RPS6KC1: variants seen among roughly 807,000 people sequenced by gnomAD.
The protein encoded by RPS6KC1 is ribosomal protein S6 kinase C1, also known as inactive ribosomal protein S6 kinase delta-1.
RPS6KC1 carries 54 observed loss-of-function variants against 103.8 expected under a neutral mutation model. The observed-to-expected ratio is 0.52, with a 90% confidence interval of 0.42 to 0.65. RPS6KC1 has a LOEUF of 0.65. Among genes scored for constraint, RPS6KC1 ranks in the 30% least tolerant of loss-of-function variants. The pLI is 0.00. For synonymous variants in RPS6KC1, 439 were observed against 438.7 expected, an observed-to-expected ratio of 1.00 and a Z score of -0.01; for missense variants, 1,151 against 1,253.8, an observed-to-expected ratio of 0.92 and a Z score of 1.24.
chr1:213,184,478 ATT>A (rs60844583), intron 8 of RPS6KC1, among the ~76,000 whole-genome samples: 1 of 147,704 alleles, frequency 6.8e-6, no homozygotes, highest in Admixed American at 6.8e-5. Context: ...TTGATCTTGT[ATT>A]TTTTTTTTGC....
At chr1:213,439,239 C>T in the RPS6KC1 span, among the ~76,000 whole-genome samples, 3 of 152,288 alleles carry the variant, frequency 2.0e-5, no homozygotes, top group East Asian at 5.8e-4. Flanking sequence ...AAAACCAGCA[C>T]AGAAAGTCTA....
the RPS6KC1 span, among the ~76,000 whole-genome samples, chr1:213,361,541 C>T: frequency 1.3e-5 from 2 of 152,264 alleles, no homozygotes; most frequent in Non-Finnish European, 2.9e-5. Context: ...TTGGCTCATG[C>T]TCAGTGCGCT....
the RPS6KC1 span, among the ~76,000 whole-genome samples, chr1:213,754,014 G>A: frequency 6.6e-6 from 1 of 152,082 alleles, no homozygotes; most frequent in African/African-American, 2.4e-5. Flanking sequence ...GGGAGTACAT[G>A]GCAGTCTGGT....
At chr1:213,164,012 G>C (rs1412233752) in intron 6 of RPS6KC1, among the ~76,000 whole-genome samples, 2 of 152,124 alleles carry the variant, frequency 1.3e-5, no homozygotes, top group Admixed American at 6.5e-5. Flanking sequence ...TTCAAATTCA[G>C]TTATGGTACT....
intron 6 of RPS6KC1, among the ~76,000 whole-genome samples, chr1:213,133,401 G>A (rs2085881406): frequency 6.6e-6 from 1 of 152,050 alleles, no homozygotes; most frequent in Non-Finnish European, 1.5e-5. Context: ...ACTGTACAAG[G>A]TATTTTTCTT....
chr1:213,641,279 A>T, the RPS6KC1 span, among the ~76,000 whole-genome samples: 1 of 151,826 alleles, frequency 6.6e-6, no homozygotes, highest in East Asian at 1.9e-4. Flanking sequence ...GTCTTTTTCT[A>T]TATGAGTTAA....
the RPS6KC1 span, among the ~76,000 whole-genome samples, chr1:213,463,599 A>G: frequency 6.6e-6 from 1 of 152,100 alleles, no homozygotes; most frequent in Non-Finnish European, 1.5e-5. Flanking sequence ...AGCGCAGTAC[A>G]TGTCCTCTGA....
At chr1:213,753,969 A>T in the RPS6KC1 span, among the ~76,000 whole-genome samples, 3 of 152,150 alleles carry the variant, frequency 2.0e-5, no homozygotes, top group Non-Finnish European at 4.4e-5. Context: ...CATGCCCCTG[A>T]AGCCCTGGGA....
chr1:213,531,048 A>G, the RPS6KC1 span, among the ~76,000 whole-genome samples: 6 of 152,266 alleles, frequency 3.9e-5, no homozygotes, highest in African/African-American at 1.4e-4. Flanking sequence ...AGTTAGAATG[A>G]AGGAATAGGA....
At chr1:213,110,946 A>AT (rs397961063) in intron 4 of RPS6KC1, among the ~76,000 whole-genome samples, 5,388 of 142,920 alleles carry the variant, frequency 0.038, 119 homozygotes, top group Admixed American at 0.057. Context: ...TTTGGGGTGG[A>AT]TTTTTTTTTT....
chr1:213,596,266 G>A, the RPS6KC1 span, among the ~76,000 whole-genome samples: 1 of 152,168 alleles, frequency 6.6e-6, no homozygotes, highest in Non-Finnish European at 1.5e-5. Flanking sequence ...TGATACCTTG[G>A]GGCTATGCCA....
chr1:213,814,456 G>A, the RPS6KC1 span, among the ~76,000 whole-genome samples: 3 of 152,338 alleles, frequency 2.0e-5, no homozygotes, highest in African/African-American at 7.2e-5. Flanking sequence ...AGAATCATAG[G>A]TGATTAAAGG....
chr1:213,168,836 A>G (rs1197951580), intron 7 of RPS6KC1, among the ~76,000 whole-genome samples: 1 of 151,888 alleles, frequency 6.6e-6, no homozygotes, highest in Non-Finnish European at 1.5e-5. Flanking sequence ...GTTAGCCAGG[A>G]TGGTCTCGAT....
chr1:213,628,984 A>C, the RPS6KC1 span, among the ~76,000 whole-genome samples: 1 of 152,088 alleles, frequency 6.6e-6, no homozygotes, highest in Non-Finnish European at 1.5e-5. Context: ...ACATTTGCTG[A>C]GGAGAGCTTT....
At chr1:213,628,936 T>C in the RPS6KC1 span, among the ~76,000 whole-genome samples, 1 of 152,242 alleles carries the variant, frequency 6.6e-6, no homozygotes, top group Admixed American at 6.5e-5. Context: ...GATTGCACTG[T>C]GGTCTAAGAG....
the RPS6KC1 span, among the ~76,000 whole-genome samples, chr1:213,754,861 A>G: frequency 7.2e-5 from 11 of 152,238 alleles, no homozygotes; most frequent in Non-Finnish European, 1.5e-4. Context: ...AATCCATAAC[A>G]GTAGCTTAGA....
At chr1:213,616,094 T>C in the RPS6KC1 span, among the ~76,000 whole-genome samples, 3 of 152,346 alleles carry the variant, frequency 2.0e-5, no homozygotes, top group African/African-American at 7.2e-5. Flanking sequence ...GGAAAGGGCA[T>C]GATTGGGAAG....
the RPS6KC1 span, among the ~76,000 whole-genome samples, chr1:213,390,849 G>T: frequency 8.5e-5 from 13 of 152,248 alleles, no homozygotes; most frequent in African/African-American, 3.1e-4. Flanking sequence ...TTATTTTGCA[G>T]CCAAATATAT....
At chr1:213,151,098 G>C (rs187715604) in intron 6 of RPS6KC1, among the ~76,000 whole-genome samples, 74,685 of 125,006 alleles carry the variant, frequency 0.6, 23,377 homozygotes, top group Non-Finnish European at 0.64. Context: ...CCTCCCGGAT[G>C]GGGGGGCTGG....
Sources: allele counts gnomAD v4.1 joint callset (sites outside exome capture counted in the v4.1 genomes callset), GRCh38; gene constraint gnomAD v4.1.1; transcripts MANE v1.5; gene names NCBI Gene and HGNC (gene_info 2026-07-23, HGNC 2026-07-21).